Variants in ZNF605 observed in about 807,000 individuals in gnomAD.
The protein encoded by ZNF605 is zinc finger protein 605.
In ZNF605, 9 loss-of-function variants were observed where a neutral mutation model predicts 7.9. That is an observed-to-expected ratio of 1.14 (90% CI 0.68 to 1.98). ZNF605 has a LOEUF of 1.98. ZNF605 is among the 30% of genes most tolerant of loss of function. The pLI, the probability that ZNF605 is intolerant of heterozygous loss-of-function variation, is 0.00. For synonymous variants in ZNF605, 255 were observed against 260.1 expected (o/e 0.98, Z 0.19); for missense variants, 673 against 762.4 (o/e 0.88, Z 1.38).
chr12:132,951,637 T>TACAC (rs56937481), intron 1 of ZNF605, among the ~76,000 whole-genome samples: 58,126 of 150,762 alleles, frequency 0.39, 12,907 homozygotes, highest in East Asian at 0.61. Flanking sequence ...CACGTACAGA[T>TACAC]ACACTGATGC....
chr12:132,934,124 C>T (rs1952334836), intron 3 of ZNF605, among the ~76,000 whole-genome samples: 1 of 151,946 alleles, frequency 6.6e-6, no homozygotes. Context: ...TGCACACACA[C>T]ACAAATTAGC....
At chr12:132,952,072 AAAGACCACTCAAC>A (rs1952578838) in intron 1 of ZNF605, among the ~76,000 whole-genome samples, 1 of 152,070 alleles carries the variant, frequency 6.6e-6, no homozygotes, top group Non-Finnish European at 1.5e-5. Flanking sequence ...AGCACACGGG[AAAGACCACTCAAC>A]AAGATGTACG....
chr12:132,928,592 A>G (rs1406747571), intron 4 of ZNF605, among the ~76,000 whole-genome samples: 1 of 152,188 alleles, frequency 6.6e-6, no homozygotes, highest in Non-Finnish European at 1.5e-5. Context: ...TTTCTACAAG[A>G]CCATTTATTG....
At position 132,919,069 on chromosome 12, in the gene ZNF605, C is replaced by G. The variant is rs964439230; in HGVS notation, c.*6304G>C. 3 of 152,302 alleles carry G rather than the reference C, an allele frequency of 2.0e-5. No homozygotes were observed. Among genetic ancestry groups the G allele is most frequent in the Non-Finnish European group, 4.4e-5 (3 of 68,096 alleles). 9.4% of individuals were successfully genotyped at this position (152,302 alleles called of 1,614,324 possible). A position where few individuals can be genotyped will look rare whatever the true frequency, so the allele number is the denominator to read the frequency against. ...GTTTGGGGACGAATCTACACTAGAC[C>G]TGCCTGGCTGCAGTGGTAACACTCC... On this transcript the variant is annotated 3_prime_UTR_variant, in exon 5 of 5. Coordinates refer to ENST00000360187, the MANE Select transcript of ZNF605 (RefSeq NM_183238.4).
intron 1 of ZNF605, among the ~76,000 whole-genome samples, chr12:132,948,997 C>G (rs1482154076): frequency 6.6e-6 from 1 of 152,006 alleles, no homozygotes; most frequent in Non-Finnish European, 1.5e-5. Context: ...ACCAGTGTAG[C>G]TCACGCCTGC....
At position 132,927,011 on chromosome 12, in the gene ZNF605, G is replaced by C. The variant is rs891705591; in HGVS notation, c.288C>G (p.Gly96=). The change falls in exon 5 of 5, where the codon GGC becomes GGG. Residue 96 remains glycine, a synonymous_variant. Coordinates refer to ENST00000360187, the MANE Select transcript of ZNF605 (RefSeq NM_183238.4). ...VHVGLRSHKC[G]TGEKSLKCPF... ...GACATTTCAAACTTTTTTCTCCTGT[G>C]CCACATTTATGGGATCGCAGTCCTA... 3.1e-6 allele frequency: 5 copies of C among 1,610,864 alleles called. No individual in the cohort carries two copies. Among genetic ancestry groups the C allele is most frequent in the Non-Finnish European group, 4.2e-6 (5 of 1,179,850 alleles).
At chr12:132,952,183 G>A (rs1046570571) in intron 1 of ZNF605, among the ~76,000 whole-genome samples, 2 of 151,872 alleles carry the variant, frequency 1.3e-5, no homozygotes, top group East Asian at 1.9e-4. Flanking sequence ...TGGGCCAGGC[G>A]CGGTGGCTCA....
At chr12:132,951,669 TACAC>T (rs774281401) in intron 1 of ZNF605, among the ~76,000 whole-genome samples, 4 of 137,438 alleles carry the variant, frequency 2.9e-5, no homozygotes, top group South Asian at 2.2e-4. Flanking sequence ...CCACATAACA[TACAC>T]AGACATGCAC....
intron 1 of ZNF605, among the ~76,000 whole-genome samples, chr12:132,950,973 ACT>A (rs1425488413): frequency 6.6e-6 from 1 of 151,968 alleles, no homozygotes; most frequent in Non-Finnish European, 1.5e-5. Flanking sequence ...ACTCAGACAC[ACT>A]GATACACATG....
intron 4 of ZNF605, 137 bp downstream of exon 4, chr12:132,932,898 A>G: frequency 7.3e-7 from 1 of 1,362,224 alleles, no homozygotes; most frequent in Non-Finnish European, 9.8e-7. Context: ...CTGCAAAATA[A>G]AGCAAGTGAA....
intron 2 of ZNF605, among the ~76,000 whole-genome samples, chr12:132,947,772 G>GTTTTT (rs78463930): frequency 6.9e-6 from 1 of 144,718 alleles, no homozygotes; most frequent in African/African-American, 2.5e-5. Context: ...TTTTTCAAAA[G>GTTTTT]TTTTTTTTTT....
At position 132,920,328 on chromosome 12, in the gene ZNF605, A is replaced by G. The variant is rs1025101336; in HGVS notation, c.*5045T>C. On this transcript the variant is annotated 3_prime_UTR_variant, in exon 5 of 5. Coordinates refer to ENST00000360187, the MANE Select transcript of ZNF605 (RefSeq NM_183238.4). Reference sequence around the variant, plus strand: ...CTAATTTTTTGTATTTTTAGTAGAGACGGGGTTTCACCGTGTTAGCCAGGA... The same window carrying G: ...CTAATTTTTTGTATTTTTAGTAGAGGCGGGGTTTCACCGTGTTAGCCAGGA... 4 of 151,628 alleles carry G rather than the reference A, an allele frequency of 2.6e-5. No homozygotes were observed. The highest frequency in any genetic ancestry group is 5.9e-5 in the Non-Finnish European group (4 of 68,016). The allele number at this position is 151,628 out of a possible 1,614,324, so 9.4% of individuals were successfully genotyped here.
intron 1 of ZNF605, among the ~76,000 whole-genome samples, chr12:132,951,637 T>C (rs200915741): frequency 1.3e-5 from 2 of 150,756 alleles, no homozygotes; most frequent in Non-Finnish European, 3.0e-5. Flanking sequence ...CACGTACAGA[T>C]ACACTGATGC....
In ZNF605 at chr12:132,929,713, G is replaced by C. The variant is rs1013231528; in HGVS notation, c.137-2551C>G. Among the ~76,000 whole-genome samples the C allele has an allele frequency of 4.6e-5, 7 of 152,200 alleles. 1 individual carries two copies. The South Asian group carries it at 1.5e-3, about 32-fold the overall frequency. On this transcript the variant is annotated intron_variant, in intron 4 of 4. Transcript: ENST00000360187. ...TGTAATCCCAGCACTTTGGGAGGCC[G>C]AGGCAGGCAGATCACGAGGTCAAGG...
At position 132,925,241 on chromosome 12, in the gene ZNF605, C is replaced by T; in HGVS notation, c.*132G>A. 1.5e-6 allele frequency: 1 copy of T among 650,560 alleles called. No individual in the cohort carries two copies. The highest frequency in any genetic ancestry group is 2.4e-5 in the South Asian group (1 of 41,644). The allele number at this position is 650,560 out of a possible 1,614,324, so 40.3% of individuals were successfully genotyped here. A position where few individuals can be genotyped will look rare whatever the true frequency, so the allele number is the denominator to read the frequency against. On this transcript the variant is annotated 3_prime_UTR_variant, in exon 5 of 5. Coordinates refer to ENST00000360187, the MANE Select transcript of ZNF605 (RefSeq NM_183238.4). ...TCTTTCTAAATTCTGCTTAGTGACT[C>T]TTGACTCCTCAATTCAAGCTTTTTC...
chr12:132,942,413 T>C (rs1227428266), intron 3 of ZNF605, among the ~76,000 whole-genome samples: 6 of 152,176 alleles, frequency 3.9e-5, no homozygotes, highest in Non-Finnish European at 7.3e-5. Flanking sequence ...CTGGGCTCTG[T>C]GCAGAACTCC....
intron 1 of ZNF605, among the ~76,000 whole-genome samples, chr12:132,951,926 C>T (rs1952575968): frequency 6.6e-6 from 1 of 151,738 alleles, no homozygotes; most frequent in African/African-American, 2.4e-5. Flanking sequence ...ATACGTACAT[C>T]ACACAATACA....
Position 132,933,054 on chromosome 12 carries a change from A to G in ZNF605, c.117T>C (p.Tyr39=), listed in dbSNP as rs1952323118. ...TCTTACCCAAGAAAACCAGATTGCT[A>G]TAGTTCTCCAACATCACATCTCTGT... ...NLYRDVMLEN[Y]SNLVFLEVWL... Residue 39 remains tyrosine, a synonymous_variant, in exon 4 of 5, where the codon TAT becomes TAC. Coordinates refer to ENST00000360187, the MANE Select transcript of ZNF605 (RefSeq NM_183238.4). This position sits in a 1 kb window ranked among gnomAD's most constrained non-coding sequence, Gnocchi z 4.4. 3 of 1,602,728 alleles carry G rather than the reference A, an allele frequency of 1.9e-6. No homozygotes were observed. The highest frequency in any genetic ancestry group is 2.6e-6 in the Non-Finnish European group (3 of 1,173,140).
At chr12:132,947,388 G>A (rs1168306686) in intron 2 of ZNF605, among the ~76,000 whole-genome samples, 4 of 152,000 alleles carry the variant, frequency 2.6e-5, no homozygotes, top group Non-Finnish European at 4.4e-5. Flanking sequence ...TTGGCTCACC[G>A]TAGCCTCAAC....
Sources: allele counts gnomAD v4.1 joint callset (sites outside exome capture counted in the v4.1 genomes callset), GRCh38; gene constraint gnomAD v4.1.1; non-coding constraint Gnocchi (gnomAD v3.1); transcripts MANE v1.5; gene names NCBI Gene and HGNC (gene_info 2026-07-23, HGNC 2026-07-21).